OLFM2: variants seen among roughly 807,000 people sequenced by gnomAD.
The protein encoded by OLFM2 is noelin-2.
In OLFM2, 20 loss-of-function variants were observed where a neutral mutation model predicts 43.9. The ratio of observed to expected loss-of-function variants is 0.46; its 90% CI spans 0.32 to 0.66. The LOEUF is 0.66. Ranked by LOEUF, OLFM2 falls within the 30% of genes least tolerant of loss-of-function variation. OLFM2 has a pLI of 0.04. For missense variants in OLFM2, 416 were observed against 643.6 expected (o/e 0.65, Z 3.83); for synonymous variants, 268 against 278.6 (o/e 0.96, Z 0.38).
chr19:9,930,599 C>T (rs2086476597), intron 1 of OLFM2, among the ~76,000 whole-genome samples: 1 of 151,680 alleles, frequency 6.6e-6, no homozygotes, highest in Non-Finnish European at 1.5e-5. Context: ...AATCCCAGCA[C>T]TTTGGGAGGC....
At chr19:9,905,782 C>A (rs1454084510) in intron 1 of OLFM2, among the ~76,000 whole-genome samples, 2 of 152,152 alleles carry the variant, frequency 1.3e-5, no homozygotes, top group African/African-American at 2.4e-5. Context: ...CCTTGCCATG[C>A]CCTTGAGAAG....
At chr19:9,869,100 C>T (rs1292750843) in intron 1 of OLFM2, among the ~76,000 whole-genome samples, 1 of 151,576 alleles carries the variant, frequency 6.6e-6, no homozygotes, top group East Asian at 1.9e-4. Context: ...ATGGCCGGGC[C>T]ATAAGTTTGG....
At chr19:9,877,572 A>C (rs910660296) in intron 1 of OLFM2, among the ~76,000 whole-genome samples, 115 of 142,686 alleles carry the variant, frequency 8.1e-4, no homozygotes, top group African/African-American at 2.7e-3. Flanking sequence ...ATAAATAAAT[A>C]AATACAATAA....
At chr19:9,892,587 T>C (rs1292380767) in intron 1 of OLFM2, among the ~76,000 whole-genome samples, 3 of 152,254 alleles carry the variant, frequency 2.0e-5, no homozygotes, top group East Asian at 3.9e-4. Flanking sequence ...GGCGGGTGCC[T>C]GTAGTTCCAG....
intron 1 of OLFM2, among the ~76,000 whole-genome samples, chr19:9,877,186 T>C (rs577699345): frequency 2.2e-4 from 32 of 145,636 alleles, no homozygotes; most frequent in African/African-American, 8.0e-4. Context: ...GCCGAGATGG[T>C]GCCACTGCAC....
At chr19:9,930,151 T>C (rs1312788379) in intron 1 of OLFM2, among the ~76,000 whole-genome samples, 1 of 152,164 alleles carries the variant, frequency 6.6e-6, no homozygotes, top group African/African-American at 2.4e-5. Flanking sequence ...TCATGGTCCC[T>C]GAACATGCAC....
chr19:9,856,714 C>A lies in OLFM2; in HGVS notation c.687+93G>T. The A allele has an allele frequency of 2.0e-6, 2 of 1,000,212 alleles. No individual in the cohort carries two copies. The highest frequency in any genetic ancestry group is 5.2e-5 in the East Asian group (2 of 38,214). The allele number at this position is 1,000,212 out of a possible 1,614,324, so 62.0% of individuals were successfully genotyped here. On this transcript the variant is annotated intron_variant, in intron 5 of 5. Transcript: ENST00000264833. This position sits in a 1 kb window ranked among gnomAD's most constrained non-coding sequence, Gnocchi z 4.0. ...ATCCAGGACACTTTGGGCTACAAGACAGTCACCAGTGTGGACTCCCTAGGC... is the reference window on the plus strand; with the variant it reads ...ATCCAGGACACTTTGGGCTACAAGAAAGTCACCAGTGTGGACTCCCTAGGC...
chr19:9,928,208 G>A (rs1050185092), intron 1 of OLFM2, among the ~76,000 whole-genome samples: 11 of 140,100 alleles, frequency 7.9e-5, no homozygotes, highest in African/African-American at 1.9e-4. Context: ...AAGACCCTGC[G>A]TCTTAAAAAA....
At chr19:9,887,760 C>T (rs915494754) in intron 1 of OLFM2, among the ~76,000 whole-genome samples, 5 of 152,142 alleles carry the variant, frequency 3.3e-5, no homozygotes, top group Admixed American at 1.3e-4. Context: ...AGCCCAAATC[C>T]TCAGCCAAGC....
intron 1 of OLFM2, among the ~76,000 whole-genome samples, chr19:9,861,219 G>A (rs1217901714): frequency 3.1e-5 from 3 of 98,240 alleles, no homozygotes; most frequent in Non-Finnish European, 6.5e-5. Flanking sequence ...TTTTTTTTTT[G>A]GTTTGTTTTT....
At chr19:9,865,488 T>G (rs2046394466) in intron 1 of OLFM2, among the ~76,000 whole-genome samples, 4 of 126,420 alleles carry the variant, frequency 3.2e-5, no homozygotes, top group Admixed American at 7.7e-5. Flanking sequence ...GTTTTTTCTT[T>G]TTTTTTTTTT....
In OLFM2 at chr19:9,886,842, G is replaced by A. The variant is rs868496053; in HGVS notation, c.64-26048C>T. ...TGGGATTACAGGCATGTGCCACCAC[G>A]CCTGGCTAATTTTGTATTTTTAGTG... is the stretch of plus-strand genomic sequence containing the variant. On this transcript the variant is annotated intron_variant, in intron 1 of 5. Transcript: ENST00000264833. 6.7e-5 allele frequency among the ~76,000 whole-genome samples: 10 copies of A among 149,908 alleles called. No individual in the cohort carries two copies. The South Asian group carries it at 1.9e-3, about 29-fold the overall frequency.
At chr19:9,930,683 A>C (rs1301524829) in intron 1 of OLFM2, among the ~76,000 whole-genome samples, 1 of 139,742 alleles carries the variant, frequency 7.2e-6, no homozygotes, top group Non-Finnish European at 1.5e-5. Flanking sequence ...TGTCTCTATT[A>C]AAAATACAAA....
At chr19:9,913,179 G>A (rs2046842639) in intron 1 of OLFM2, among the ~76,000 whole-genome samples, 1 of 152,130 alleles carries the variant, frequency 6.6e-6, no homozygotes, top group Non-Finnish European at 1.5e-5. Flanking sequence ...CCTGGGGCCG[G>A]AGCGAGCCTG....
chr19:9,897,772 A>G (rs960323526), intron 1 of OLFM2, among the ~76,000 whole-genome samples: 5 of 152,144 alleles, frequency 3.3e-5, no homozygotes, highest in African/African-American at 1.2e-4. Context: ...CAGAGTCACA[A>G]AAATCTTGGG....
chr19:9,868,413 C>T (rs1313682158), intron 1 of OLFM2, among the ~76,000 whole-genome samples: 2 of 151,932 alleles, frequency 1.3e-5, no homozygotes, highest in Non-Finnish European at 2.9e-5. Context: ...AGCTATGTTG[C>T]CCAGCCTGGT....
intron 1 of OLFM2, among the ~76,000 whole-genome samples, chr19:9,890,276 G>C (rs2046626993): frequency 6.6e-6 from 1 of 152,150 alleles, no homozygotes; most frequent in Non-Finnish European, 1.5e-5. Flanking sequence ...TCCAGCTCTA[G>C]CTGCAGCTCA....
intron 1 of OLFM2, among the ~76,000 whole-genome samples, chr19:9,864,637 G>A (rs1051705853): frequency 6.7e-6 from 1 of 149,820 alleles, no homozygotes; most frequent in Non-Finnish European, 1.5e-5. Flanking sequence ...TCTTGCTGTC[G>A]CTCAGGTCTG....
chr19:9,863,252 T>C (rs1010274350), intron 1 of OLFM2, among the ~76,000 whole-genome samples: 2 of 151,834 alleles, frequency 1.3e-5, no homozygotes, highest in African/African-American at 2.4e-5. Context: ...AAGGGGTAAG[T>C]GGAGGCAGAT....
Sources: gnomAD v4.1 joint callset for allele counts (sites outside exome capture counted in the v4.1 genomes callset) on GRCh38, gnomAD v4.1.1 for gene constraint, Gnocchi (gnomAD v3.1) non-coding constraint, MANE v1.5 for transcripts, NCBI Gene and HGNC (gene_info 2026-07-23, HGNC 2026-07-21) for gene names.